The following LRMDA variants were observed in gnomAD, a reference collection of about 807,000 sequenced individuals.
The protein encoded by LRMDA is leucine-rich melanocyte differentiation-associated protein.
LRMDA carries 18 observed loss-of-function variants against 29.8 expected under a neutral mutation model. The ratio of observed to expected loss-of-function variants is 0.60; its 90% CI spans 0.42 to 0.90. The LOEUF (loss-of-function observed/expected upper bound fraction) is 0.90. Ranked by LOEUF, LRMDA falls within the 40% of genes least tolerant of loss-of-function variation. The pLI is 0.00. For synonymous variants in LRMDA, 125 were observed against 109.4 expected (o/e 1.14, Z -0.89); for missense variants, 273 against 273.9 (o/e 1.00, Z 0.02).
At chr10:76,155,486 A>G (rs1469170288) in intron 5 of LRMDA, among the ~76,000 whole-genome samples, 2 of 152,198 alleles carry the variant, frequency 1.3e-5, no homozygotes, top group African/African-American at 2.4e-5. Context: ...TAAAGGGAAT[A>G]TGTTAGAATG....
chr10:75,835,143 G>A (rs1305218961), intron 2 of LRMDA, among the ~76,000 whole-genome samples: 1 of 152,148 alleles, frequency 6.6e-6, no homozygotes, highest in Non-Finnish European at 1.5e-5. Context: ...AGTTCTAGAG[G>A]TCAGAAGTTC....
intron 2 of LRMDA, among the ~76,000 whole-genome samples, chr10:75,572,387 G>T (rs763091983): frequency 6.7e-6 from 1 of 149,282 alleles, no homozygotes; most frequent in Admixed American, 6.7e-5. Context: ...CAGGTTGTAT[G>T]TAACAAAGCA....
At chr10:75,906,308 T>C (rs868226012) in intron 2 of LRMDA, among the ~76,000 whole-genome samples, 7 of 152,218 alleles carry the variant, frequency 4.6e-5, no homozygotes, top group African/African-American at 1.7e-4. Context: ...AGTTACATTT[T>C]ATAGTGTTTT....
chr10:75,899,885 C>A (rs538941927), intron 2 of LRMDA, among the ~76,000 whole-genome samples: 1 of 152,234 alleles, frequency 6.6e-6, no homozygotes, highest in South Asian at 2.1e-4. Flanking sequence ...CACATCAGGC[C>A]CAGAAGAGAA....
intron 2 of LRMDA, among the ~76,000 whole-genome samples, chr10:75,536,421 T>C (rs958667291): frequency 1.3e-5 from 2 of 152,178 alleles, no homozygotes; most frequent in African/African-American, 4.8e-5. Context: ...ATCCTAACTA[T>C]GTATATACCC....
chr10:76,330,961 G>A (rs1840897280), intron 6 of LRMDA, among the ~76,000 whole-genome samples: 2 of 152,106 alleles, frequency 1.3e-5, no homozygotes, highest in South Asian at 4.1e-4. Flanking sequence ...ACTGCCTCTT[G>A]GTTATCACTG....
intron 2 of LRMDA, among the ~76,000 whole-genome samples, chr10:75,830,562 A>AGAAACTTCT (rs1844323288): frequency 6.6e-6 from 1 of 151,128 alleles, no homozygotes; most frequent in Non-Finnish European, 1.5e-5. Context: ...GCTTGTGCAG[A>AGAAACTTCT]GAAACTTCTG....
intron 6 of LRMDA, among the ~76,000 whole-genome samples, chr10:76,515,220 G>C (rs1012369000): frequency 6.6e-6 from 1 of 152,146 alleles, no homozygotes; most frequent in Non-Finnish European, 1.5e-5. Flanking sequence ...GTGGGAGTAT[G>C]TGGAAATGTT....
intron 5 of LRMDA, among the ~76,000 whole-genome samples, chr10:76,152,386 G>A (rs536030951): frequency 6.6e-6 from 1 of 152,034 alleles, no homozygotes; most frequent in Non-Finnish European, 1.5e-5. Flanking sequence ...ATATTCCATT[G>A]TATAGATATA....
intron 6 of LRMDA, among the ~76,000 whole-genome samples, chr10:76,361,072 G>A (rs11001750): frequency 0.11 from 16,007 of 151,878 alleles, 977 homozygotes; most frequent in East Asian, 0.3. Flanking sequence ...ACCAGCCTGG[G>A]CAACAAGGTG....
chr10:75,503,299 C>G (rs1845136128), intron 2 of LRMDA, among the ~76,000 whole-genome samples: 1 of 151,908 alleles, frequency 6.6e-6, no homozygotes, highest in Admixed American at 6.6e-5. Context: ...TTGGCTTCTT[C>G]TAGAACACTG....
chr10:75,690,990 TATATACAC>T (rs754085139), intron 2 of LRMDA, among the ~76,000 whole-genome samples: 4 of 92,022 alleles, frequency 4.3e-5, no homozygotes, highest in East Asian at 9.5e-4. Context: ...TATATATATA[TATATACAC>T]ACACACACAC....
intron 2 of LRMDA, among the ~76,000 whole-genome samples, chr10:75,862,794 C>A (rs533200772): frequency 6.6e-6 from 1 of 152,238 alleles, no homozygotes; most frequent in Admixed American, 6.5e-5. Flanking sequence ...TTTCAAAGTA[C>A]CCTCAGGATG....
At chr10:75,675,093 G>T (rs1564537025) in intron 2 of LRMDA, among the ~76,000 whole-genome samples, 1 of 152,180 alleles carries the variant, frequency 6.6e-6, no homozygotes, top group African/African-American at 2.4e-5. Flanking sequence ...GTGGGATCAT[G>T]TCTTCTTCTT....
At chr10:75,452,822 AG>A (rs1158495747) in intron 2 of LRMDA, among the ~76,000 whole-genome samples, 1 of 152,204 alleles carries the variant, frequency 6.6e-6, no homozygotes, top group Non-Finnish European at 1.5e-5. Context: ...GCATTAAAAA[AG>A]CTGCCTGTAT....
chr10:75,823,088 A>G (rs1844189293), intron 2 of LRMDA, among the ~76,000 whole-genome samples: 1 of 152,234 alleles, frequency 6.6e-6, no homozygotes, highest in African/African-American at 2.4e-5. Context: ...TCCAAAGGAA[A>G]TACAACAAAA....
intron 6 of LRMDA, among the ~76,000 whole-genome samples, chr10:76,457,226 G>A (rs577596729): frequency 2.0e-5 from 3 of 152,250 alleles, no homozygotes; most frequent in Admixed American, 1.3e-4. Context: ...TTTTCTCCGC[G>A]TCAGCCATGG....
chr10:75,604,531 C>A (rs1840931363), intron 2 of LRMDA, among the ~76,000 whole-genome samples: 1 of 152,094 alleles, frequency 6.6e-6, no homozygotes. Flanking sequence ...TTGAATGAGT[C>A]CTGGGGAACT....
intron 6 of LRMDA, among the ~76,000 whole-genome samples, chr10:76,536,700 G>A (rs574717392): frequency 9.2e-5 from 14 of 152,226 alleles, no homozygotes; most frequent in African/African-American, 2.4e-4. Context: ...TATGAGGCAC[G>A]TGTTATTTAA....
Sources: gnomAD v4.1 joint callset for allele counts (sites outside exome capture counted in the v4.1 genomes callset) on GRCh38, gnomAD v4.1.1 for gene constraint, MANE v1.5 for transcripts, NCBI Gene and HGNC (gene_info 2026-07-23, HGNC 2026-07-21) for gene names.